The following FBXW8 variants were observed in gnomAD, a reference collection of about 807,000 sequenced individuals.
The protein encoded by FBXW8 is F-box/WD repeat-containing protein 8.
Under a neutral mutation model 65.3 loss-of-function variants are expected in FBXW8, and 57 were observed. The observed-to-expected ratio is 0.87, with a 90% confidence interval of 0.71 to 1.09. The LOEUF is 1.09. Ranked by LOEUF, FBXW8 falls within the 50% of genes least tolerant of loss-of-function variation. FBXW8 has a pLI of 0.00. For missense variants in FBXW8, 777 were observed against 814.8 expected (o/e 0.95, Z 0.57); for synonymous variants, 308 against 330.2 (o/e 0.93, Z 0.73).
intron 4 of FBXW8, 109 bp downstream of exon 4, chr12:116,949,815 C>A: frequency 2.1e-6 from 2 of 967,314 alleles, no homozygotes; most frequent in South Asian, 2.6e-5. Flanking sequence ...GCATGTACCT[C>A]CCTCAGTTAC....
intron 7 of FBXW8, among the ~76,000 whole-genome samples, chr12:117,005,971 T>C (rs1057017929): frequency 1.3e-5 from 2 of 152,204 alleles, no homozygotes; most frequent in Non-Finnish European, 2.9e-5. Flanking sequence ...TTGGCTCTCT[T>C]TGCCACTGCC....
intron 3 of FBXW8, among the ~76,000 whole-genome samples, chr12:116,947,736 C>CA (rs60233448): frequency 0.03 from 2,220 of 74,418 alleles, 76 homozygotes; most frequent in African/African-American, 0.094. Context: ...GAGACTGTCT[C>CA]AAAAAAAAAA....
intron 5 of FBXW8, among the ~76,000 whole-genome samples, chr12:116,969,228 C>T (rs554552778): frequency 3.3e-5 from 5 of 152,264 alleles, no homozygotes; most frequent in Non-Finnish European, 7.4e-5. Flanking sequence ...ATCTTTGATT[C>T]GTTTCAAGTT....
intron 8 of FBXW8, among the ~76,000 whole-genome samples, chr12:117,023,276 T>C (rs1265726250): frequency 1.3e-5 from 2 of 152,234 alleles, no homozygotes; most frequent in Admixed American, 1.3e-4. Flanking sequence ...TCCTTGTGCT[T>C]GTCCTGTTCC....
intron 2 of FBXW8, among the ~76,000 whole-genome samples, chr12:116,937,303 A>G (rs1458803701): frequency 6.6e-6 from 1 of 152,186 alleles, no homozygotes; most frequent in East Asian, 1.9e-4. Context: ...GCTGTCAGCC[A>G]CATTGATGGT....
chr12:117,024,239 A>AG lies in FBXW8; in HGVS notation c.1461dup (p.Ile488AspfsTer73). 1 of 1,614,210 alleles carries AG rather than the reference A, an allele frequency of 6.2e-7. No individual in the cohort carries two copies. Among genetic ancestry groups the AG allele is most frequent in the Non-Finnish European group, 8.5e-7 (1 of 1,180,040 alleles). On this transcript the variant is annotated frameshift_variant, in exon 9 of 11. Coordinates refer to ENST00000652555, the MANE Select transcript of FBXW8 (RefSeq NM_153348.3). LOFTEE classifies it high-confidence loss of function. Reference sequence around the variant, plus strand: ...TCTGCTGTGCAGATGGATGACTGGAAGATCGTCAGTGGAGGCGAGGAAGGC... The same window carrying AG: ...TCTGCTGTGCAGATGGATGACTGGAAGGATCGTCAGTGGAGGCGAGGAAGGC...
chr12:116,932,041 T>C lies in FBXW8; in HGVS notation c.423+3914T>C, dbSNP rs1019962541. ...TCTATACCTCATTTATTAAGAGTTT[T>C]TATCATGAAAGGATCTTGAATTTTG... On this transcript the variant is annotated intron_variant, in intron 2 of 10. Coordinates refer to ENST00000652555, the MANE Select transcript of FBXW8 (RefSeq NM_153348.3). Among the ~76,000 whole-genome samples the C allele has an allele frequency of 3.3e-5, 5 of 152,222 alleles. No homozygotes were observed. The East Asian group carries it at 9.6e-4, about 29-fold the overall frequency.
At chr12:116,947,033 GT>G (rs1882979386) in intron 3 of FBXW8, among the ~76,000 whole-genome samples, 1 of 152,114 alleles carries the variant, frequency 6.6e-6, no homozygotes. Context: ...CAGCAGCTGT[GT>G]TTTTTGCTTC....
chr12:116,993,146 C>G (rs1186138288), intron 7 of FBXW8, among the ~76,000 whole-genome samples: 4 of 148,142 alleles, frequency 2.7e-5, no homozygotes, highest in Non-Finnish European at 5.9e-5. Context: ...CTCTGTCGCC[C>G]AGGCTGGATT....
intron 8 of FBXW8, among the ~76,000 whole-genome samples, chr12:117,016,272 T>C (rs1012187951): frequency 1.3e-5 from 2 of 152,224 alleles, no homozygotes; most frequent in African/African-American, 4.8e-5. Context: ...CCATTTTACA[T>C]TCCCACCAGC....
chr12:117,015,468 G>C (rs1484981670), intron 8 of FBXW8, among the ~76,000 whole-genome samples: 2 of 152,018 alleles, frequency 1.3e-5, no homozygotes, highest in Non-Finnish European at 2.9e-5. Context: ...ATTAAATGAG[G>C]GCCCTTCCTA....
Position 116,928,976 on chromosome 12 carries a change from A to G in FBXW8, c.423+849A>G, listed in dbSNP as rs140277877. On this transcript the variant is annotated intron_variant, in intron 2 of 10. Transcript: ENST00000652555. Reference sequence around the variant, plus strand: ...CGGGCATGTGCTGCCATGCCCAGCTAATTTTTGTATTTTTAGTAGAGATGG... The same window carrying G: ...CGGGCATGTGCTGCCATGCCCAGCTGATTTTTGTATTTTTAGTAGAGATGG... 1.6e-3 allele frequency among the ~76,000 whole-genome samples: 240 copies of G among 151,938 alleles called. 3 individuals are homozygous for G. In the South Asian group the frequency reaches 0.02, roughly 13 times the overall value.
At chr12:116,967,672 TTTC>T (rs1365273646) in intron 5 of FBXW8, among the ~76,000 whole-genome samples, 2 of 152,260 alleles carry the variant, frequency 1.3e-5, no homozygotes, top group African/African-American at 4.8e-5. Flanking sequence ...TTTCTTCATT[TTTC>T]TTTTGGGTTG....
intron 1 of FBXW8, among the ~76,000 whole-genome samples, chr12:116,918,819 G>C (rs1015680154): frequency 6.6e-6 from 1 of 152,204 alleles, no homozygotes; most frequent in Admixed American, 6.5e-5. Flanking sequence ...GGAAAAAAGA[G>C]CAATAACTGA....
chr12:116,989,654 T>TTA (rs1953187010), intron 7 of FBXW8, among the ~76,000 whole-genome samples: 1 of 152,184 alleles, frequency 6.6e-6, no homozygotes, highest in African/African-American at 2.4e-5. Flanking sequence ...AAAAGCTGAT[T>TTA]TATAGAACTC....
chr12:116,964,731 C>A lies in FBXW8; in HGVS notation c.712C>A (p.Arg238Ser). The change falls in exon 5 of 11, where the codon CGC (arginine) becomes AGC (serine). Residue 238 changes from arginine to serine, a missense_variant. By Grantham distance (110) the Arg-to-Ser change is moderately radical (BLOSUM62 -1). Transcript: ENST00000652555. Reference sequence around the variant, plus strand: ...AGGGGATGTGAGAGTGTGGGACACCCGCACCTGGGACTACGTAGCCCCCTT... The same window carrying A: ...AGGGGATGTGAGAGTGTGGGACACCAGCACCTGGGACTACGTAGCCCCCTT... ...TSGDVRVWDT[R>S]TWDYVAPFLE... The A allele has an allele frequency of 6.2e-7, 1 of 1,613,746 alleles. No homozygotes were observed. Among genetic ancestry groups the A allele is most frequent in the Non-Finnish European group, 8.5e-7 (1 of 1,180,010 alleles).
intron 4 of FBXW8, among the ~76,000 whole-genome samples, chr12:116,952,886 T>A (rs1266336428): frequency 1.3e-5 from 2 of 152,062 alleles, no homozygotes; most frequent in Non-Finnish European, 2.9e-5. Context: ...TACGGGCGTG[T>A]GCCACCACAC....
chr12:116,985,125 C>G, intron 5 of FBXW8, 81 bp from the exon 6 acceptor site: 1 of 1,321,946 alleles, frequency 7.6e-7, no homozygotes, highest in African/African-American at 1.5e-5. Context: ...AAAAATTTTC[C>G]TTTGTGTTGC....
At chr12:116,974,934 T>C (rs2137412856) in intron 5 of FBXW8, among the ~76,000 whole-genome samples, 1 of 152,274 alleles carries the variant, frequency 6.6e-6, no homozygotes, top group East Asian at 1.9e-4. Context: ...AGGGCATCTA[T>C]AGGACAGTAG....
Sources: allele counts gnomAD v4.1 joint callset (sites outside exome capture counted in the v4.1 genomes callset), GRCh38; gene constraint gnomAD v4.1.1; transcripts MANE v1.5; gene names NCBI Gene and HGNC (gene_info 2026-07-23, HGNC 2026-07-21).